The following MYO5B variants were observed in gnomAD, a reference collection of about 807,000 sequenced individuals.
MYO5B encodes unconventional myosin-Vb.
MYO5B carries 143 observed loss-of-function variants against 229.3 expected under a neutral mutation model. The ratio of observed to expected loss-of-function variants is 0.62; its 90% CI spans 0.54 to 0.72. The LOEUF (loss-of-function observed/expected upper bound fraction) is 0.72. Among genes scored for constraint, MYO5B ranks in the 30% least tolerant of loss-of-function variants. MYO5B has a pLI of 0.00. For missense variants in MYO5B, 2,321 were observed against 2,331.0 expected, an observed-to-expected ratio of 1.00 and a Z score of 0.09; for synonymous variants, 918 against 885.2, an observed-to-expected ratio of 1.04 and a Z score of -0.66.
At chr18:49,903,700 A>G (rs889843432) in intron 20 of MYO5B, among the ~76,000 whole-genome samples, 50 of 152,362 alleles carry the variant, frequency 3.3e-4, no homozygotes, top group African/African-American at 1.2e-3. Context: ...ACAGATGTTC[A>G]TTTAATGAAA....
At chr18:49,917,428 C>A (rs945762226) in intron 17 of MYO5B, among the ~76,000 whole-genome samples, 7 of 152,308 alleles carry the variant, frequency 4.6e-5, no homozygotes, top group Admixed American at 4.6e-4. Flanking sequence ...CGACCCCATT[C>A]ACTGAGACAT....
At chr18:49,901,074 C>G (rs957671045) in intron 21 of MYO5B, among the ~76,000 whole-genome samples, 1 of 152,166 alleles carries the variant, frequency 6.6e-6, no homozygotes, top group Non-Finnish European at 1.5e-5. Context: ...TAAGAGTGAA[C>G]ACAAAACACA....
chr18:50,104,087 C>T (rs2031706572), intron 1 of MYO5B, among the ~76,000 whole-genome samples: 1 of 146,672 alleles, frequency 6.8e-6, no homozygotes, highest in Non-Finnish European at 1.5e-5. Flanking sequence ...TCTCTTGAGC[C>T]CAGGAGTTTG....
chr18:50,124,219 A>G (rs903767585), intron 1 of MYO5B, among the ~76,000 whole-genome samples: 2 of 152,242 alleles, frequency 1.3e-5, no homozygotes, highest in African/African-American at 4.8e-5. Context: ...CAGTGCAGAG[A>G]GGTTCTGGTA....
chr18:50,046,934 T>C (rs1315943733), intron 2 of MYO5B, among the ~76,000 whole-genome samples: 1 of 152,096 alleles, frequency 6.6e-6, no homozygotes, highest in East Asian at 1.9e-4. Flanking sequence ...ATACAAAAAT[T>C]CATTCAAGAT....
chr18:49,974,622 G>A lies in MYO5B; in HGVS notation c.1057-7C>T. 1 of 1,612,370 alleles carries A rather than the reference G, an allele frequency of 6.2e-7. No homozygotes were observed. The highest frequency in any genetic ancestry group is 8.5e-7 in the Non-Finnish European group (1 of 1,179,076). On this transcript the variant is annotated splice_polypyrimidine_tract_variant and splice_region_variant and intron_variant, in intron 9 of 39. Coordinates refer to ENST00000285039, the MANE Select transcript of MYO5B (RefSeq NM_001080467.3). The stretch of plus-strand genomic sequence containing the variant: ...TTAGGTATACATCCTGGGGCTGTGG[G>A]AGATGGGGGAGATAGGTTCAGGAGG...
At chr18:50,112,593 C>A (rs901314075) in intron 1 of MYO5B, among the ~76,000 whole-genome samples, 4 of 152,128 alleles carry the variant, frequency 2.6e-5, no homozygotes, top group Admixed American at 6.5e-5. Flanking sequence ...TTATGCCCCA[C>A]GAAAAACCTT....
At chr18:49,910,433 G>T (rs745445321) in intron 18 of MYO5B, among the ~76,000 whole-genome samples, 1 of 152,102 alleles carries the variant, frequency 6.6e-6, no homozygotes, top group Non-Finnish European at 1.5e-5. Flanking sequence ...CTTTAACAGA[G>T]ATTTTTCTTG....
At position 49,875,791 on chromosome 18, in the gene MYO5B, C is replaced by A. The variant is rs1270896603; in HGVS notation, c.3433G>T (p.Val1145Phe). 1.2e-6 allele frequency: 2 copies of A among 1,614,188 alleles called. No individual in the cohort carries two copies. Among genetic ancestry groups the A allele is most frequent in the South Asian group, 2.2e-5 (2 of 91,088 alleles). Residue 1145 changes from valine to phenylalanine, a missense_variant, in exon 26 of 40, where the codon GTC becomes TTC. Physicochemically the swap from Val to Phe is conservative, Grantham distance 50. This residue lies in a region of MYO5B where 2,113 missense variants were observed against 2,044.7 expected (regional missense o/e 1.03). Transcript: ENST00000285039. ...GLEKAAMDMT[V>F]FLKLQKRVRE... ...ACTCTCTTCTGCAGCTTCAGGAAGA[C>A]CGTCATGTCCATGGCTGCCTTCTCC...
chr18:49,878,883 G>GCCT, intron 24 of MYO5B, 62 bp downstream of exon 24: 5 of 1,585,762 alleles, frequency 3.2e-6, no homozygotes, highest in Non-Finnish European at 4.3e-6. Flanking sequence ...GAGATCACGT[G>GCCT]GTCAGAAGCT....
At chr18:49,951,388 C>T (rs188307935) in intron 14 of MYO5B, among the ~76,000 whole-genome samples, 3 of 152,124 alleles carry the variant, frequency 2.0e-5, no homozygotes, top group Non-Finnish European at 2.9e-5. Context: ...ACCTTCTTAG[C>T]GTTACCACAG....
At chr18:49,895,935 G>C (rs1231249285) in intron 21 of MYO5B, among the ~76,000 whole-genome samples, 1 of 152,214 alleles carries the variant, frequency 6.6e-6, no homozygotes, top group East Asian at 1.9e-4. Context: ...CATTAGCTAA[G>C]AGTGGTCAGT....
intron 2 of MYO5B, among the ~76,000 whole-genome samples, chr18:50,041,089 GCTGCTC>G (rs996367582): frequency 4.6e-5 from 7 of 152,176 alleles, no homozygotes; most frequent in African/African-American, 1.7e-4. Context: ...GAACTTGGCT[GCTGCTC>G]ACCATGTATT....
chr18:49,929,633 CAA>C lies in MYO5B; in HGVS notation c.2004-37_2004-36del, dbSNP rs779904358. 28 of 1,506,880 alleles carry C rather than the reference CAA, an allele frequency of 1.9e-5. No individual in the cohort carries two copies. In the African/African-American group the frequency reaches 2.4e-4, roughly 13 times the overall value. The allele number at this position is 1,506,880 out of a possible 1,614,324, so 93.3% of individuals were successfully genotyped here. A position where few individuals can be genotyped will look rare whatever the true frequency, so the allele number is the denominator to read the frequency against. ...GAGAAAAAAAAAAAAAAAAGCAAGACAAGAGATGAGTGGCCACATTTGCAAAA... is the reference window on the plus strand; with the variant it reads ...GAGAAAAAAAAAAAAAAAAGCAAGACGAGATGAGTGGCCACATTTGCAAAA... On this transcript the variant is annotated intron_variant, in intron 16 of 39. Transcript: ENST00000285039.
At chr18:49,828,714 A>G (rs1196354405) in intron 39 of MYO5B, among the ~76,000 whole-genome samples, 6 of 152,214 alleles carry the variant, frequency 3.9e-5, no homozygotes, top group Non-Finnish European at 7.4e-5. Context: ...ATTTTTTCTG[A>G]TTAGGATGGA....
intron 1 of MYO5B, among the ~76,000 whole-genome samples, chr18:50,090,293 A>G (rs1255390879): frequency 6.6e-6 from 1 of 151,056 alleles, no homozygotes; most frequent in African/African-American, 2.4e-5. Context: ...CAGTGAACCA[A>G]GATCATGCCA....
At chr18:49,920,095 A>C (rs975805087) in intron 17 of MYO5B, among the ~76,000 whole-genome samples, 50 of 152,360 alleles carry the variant, frequency 3.3e-4, no homozygotes, top group African/African-American at 1.2e-3. Flanking sequence ...TTTATATGAA[A>C]AATCCAAACT....
chr18:50,170,388 G>A (rs2144332454), intron 1 of MYO5B, among the ~76,000 whole-genome samples: 1 of 127,882 alleles, frequency 7.8e-6, no homozygotes, highest in East Asian at 2.3e-4. Context: ...GATCCTAGAT[G>A]CTAGACTTAA....
intron 1 of MYO5B, among the ~76,000 whole-genome samples, chr18:50,093,193 C>G (rs1568103722): frequency 7.2e-6 from 1 of 139,784 alleles, no homozygotes; most frequent in African/African-American, 2.9e-5. Flanking sequence ...CACACACACA[C>G]ACACACACAC....
Sources: allele counts gnomAD v4.1 joint callset (sites outside exome capture counted in the v4.1 genomes callset), GRCh38; gene constraint gnomAD v4.1.1; regional missense constraint gnomAD v4.1.1; transcripts MANE v1.5; gene names NCBI Gene and HGNC (gene_info 2026-07-23, HGNC 2026-07-21).